Variants in NBEA observed in about 807,000 individuals in gnomAD.
NBEA encodes the protein lysosomal-trafficking regulator 2.
Under a neutral mutation model 343.4 loss-of-function variants are expected in NBEA, and 44 were observed. The observed-to-expected ratio is 0.13, with a 90% CI of 0.10 to 0.16. The LOEUF (loss-of-function observed/expected upper bound fraction) is 0.16. Among genes scored for constraint, NBEA ranks in the 10% least tolerant of loss-of-function variants. The pLI is 1.00. For synonymous variants in NBEA, 1,175 were observed against 1,238.7 expected (o/e 0.95, Z 1.08); for missense variants, 2,555 against 3,631.3 (o/e 0.70, Z 7.62).
rs534193220 is a variant in NBEA, at chr13:35,026,899, C to T, written c.295-14034C>T. Reference sequence around the variant, plus strand: ...TTACTACAAATATAGTCACACCCATCCTCTTACCCTCATAACCCTAACTCT... The same window carrying T: ...TTACTACAAATATAGTCACACCCATTCTCTTACCCTCATAACCCTAACTCT... On this transcript the variant is annotated intron_variant, in intron 1 of 58. Transcript: ENST00000379939. 2.0e-5 allele frequency among the ~76,000 whole-genome samples: 3 copies of T among 152,174 alleles called. No individual in the cohort carries two copies. The South Asian group carries it at 6.2e-4, about 32-fold the overall frequency.
intron 10 of NBEA, among the ~76,000 whole-genome samples, chr13:35,076,569 C>T (rs1467155374): frequency 6.6e-5 from 10 of 151,932 alleles, no homozygotes; most frequent in Non-Finnish European, 1.5e-4. Context: ...CTTAATTTTT[C>T]TCTGTAAATT....
rs183961712 is a variant in NBEA, at chr13:35,001,107, C to T, written c.295-39826C>T. Among the ~76,000 whole-genome samples, 600 of 151,890 alleles carry T rather than the reference C, an allele frequency of 4.0e-3. 3 individuals carry two copies. The highest frequency in any genetic ancestry group is 0.014 in the African/African-American group (576 of 41,446). On this transcript the variant is annotated intron_variant, in intron 1 of 58. Transcript: ENST00000379939. ...GCTTGTCAATGTGTCTGATTTGTGGCGTAGTTCTTAAATCTTTTCAAACTT... is the reference window on the plus strand; with the variant it reads ...GCTTGTCAATGTGTCTGATTTGTGGTGTAGTTCTTAAATCTTTTCAAACTT...
At chr13:35,273,723 C>A (rs1010663931) in intron 34 of NBEA, among the ~76,000 whole-genome samples, 10 of 151,982 alleles carry the variant, frequency 6.6e-5, no homozygotes, top group African/African-American at 1.9e-4. Context: ...CCATCAGAGA[C>A]TACTATAAAC....
At chr13:35,264,360 T>TA (rs1566538606) in intron 34 of NBEA, among the ~76,000 whole-genome samples, 1 of 151,832 alleles carries the variant, frequency 6.6e-6, no homozygotes, top group African/African-American at 2.4e-5. Context: ...CAAACCCTTT[T>TA]AAAAAATTGA....
intron 8 of NBEA, among the ~76,000 whole-genome samples, chr13:35,060,813 T>A (rs2063441695): frequency 6.6e-6 from 1 of 151,624 alleles, no homozygotes; most frequent in African/African-American, 2.4e-5. Context: ...CACATTATAG[T>A]CACAATTATC....
chr13:35,005,838 G>A (rs185451711), intron 1 of NBEA, among the ~76,000 whole-genome samples: 3 of 152,294 alleles, frequency 2.0e-5, no homozygotes, highest in Admixed American at 6.5e-5. Context: ...TTCCAGATAT[G>A]TGTATGCATA....
chr13:35,519,560 C>T (rs552104363), intron 41 of NBEA, among the ~76,000 whole-genome samples: 42 of 152,050 alleles, frequency 2.8e-4, no homozygotes, highest in African/African-American at 8.4e-4. Context: ...TAGTTTTGGC[C>T]TTGTAAATAG....
At chr13:35,534,866 GC>G (rs1474683558) in intron 41 of NBEA, among the ~76,000 whole-genome samples, 1 of 152,126 alleles carries the variant, frequency 6.6e-6, no homozygotes, top group African/African-American at 2.4e-5. Flanking sequence ...AACAGGCTTT[GC>G]CTAGGATCAG....
rs115076382 is a variant in NBEA, at chr13:35,435,060, C to G, written c.6304+2667C>G. 4.8e-3 allele frequency among the ~76,000 whole-genome samples: 731 copies of G among 152,206 alleles called. 7 individuals are homozygous for G. Among genetic ancestry groups the G allele is most frequent in the African/African-American group, 0.017 (705 of 41,536 alleles). On this transcript the variant is annotated intron_variant, in intron 39 of 58. Coordinates refer to ENST00000379939, the MANE Select transcript of NBEA (RefSeq NM_001385012.1). Reference sequence around the variant, plus strand: ...GTTTGTTTGTTGTGACGGAATTTCACTCTTGTTGCCCAGGCTGGAGTGCAA... The same window carrying G: ...GTTTGTTTGTTGTGACGGAATTTCAGTCTTGTTGCCCAGGCTGGAGTGCAA...
intron 48 of NBEA, among the ~76,000 whole-genome samples, chr13:35,611,815 T>C (rs1452081204): frequency 6.6e-6 from 1 of 152,268 alleles, no homozygotes; most frequent in African/African-American, 2.4e-5. Context: ...CATCAGTTGA[T>C]GAACATTTGA....
chr13:35,466,092 CTG>C (rs2075376243), intron 40 of NBEA, among the ~76,000 whole-genome samples: 1 of 152,102 alleles, frequency 6.6e-6, no homozygotes, highest in Non-Finnish European at 1.5e-5. Flanking sequence ...CTGTTTTAGA[CTG>C]TGCTAAGTTG....
intron 36 of NBEA, 90 bp downstream of exon 36, chr13:35,309,682 T>C (rs1199287322): frequency 1.5e-6 from 1 of 656,206 alleles, no homozygotes; most frequent in Non-Finnish European, 2.6e-6. Context: ...TCCAAAAATG[T>C]AGAAGAAAAT....
At chr13:35,208,572 TA>T (rs34179009) in intron 31 of NBEA, 127 bp from the exon 32 acceptor site, 2 of 776,210 alleles carry the variant, frequency 2.6e-6, no homozygotes, top group Non-Finnish European at 3.8e-6. Flanking sequence ...CTAAGGAGTT[TA>T]AAATTTTTTT....
chr13:35,210,136 A>G (rs1357798859), intron 32 of NBEA, among the ~76,000 whole-genome samples: 1 of 152,062 alleles, frequency 6.6e-6, no homozygotes, highest in Non-Finnish European at 1.5e-5. Context: ...TTATTTTTAT[A>G]TGAGACAAGT....
chr13:35,124,028 A>G (rs1325279013), intron 17 of NBEA, among the ~76,000 whole-genome samples: 1 of 152,102 alleles, frequency 6.6e-6, no homozygotes, highest in Non-Finnish European at 1.5e-5. Flanking sequence ...TAAAGATGCT[A>G]GAATACCTCA....
At position 35,270,964 on chromosome 13, in the gene NBEA, G is replaced by A. The variant is rs1056066201; in HGVS notation, c.5777-19425G>A. On this transcript the variant is annotated intron_variant, in intron 34 of 58. Coordinates refer to ENST00000379939, the MANE Select transcript of NBEA (RefSeq NM_001385012.1). ...GCAGACAGCTACTGCAGACTTAAAC[G>A]TCCCTGCCTGACAGCACCGAAGAGA... Among the ~76,000 whole-genome samples, 5 of 152,198 alleles carry A rather than the reference G, an allele frequency of 3.3e-5. No homozygotes were observed. In the East Asian group the frequency reaches 7.7e-4, roughly 23 times the overall value.
chr13:35,106,377 G>C (rs1475259815), intron 11 of NBEA, among the ~76,000 whole-genome samples: 3 of 151,768 alleles, frequency 2.0e-5, no homozygotes, highest in Non-Finnish European at 2.9e-5. Context: ...CTTTTCCCAG[G>C]CTGTGTTTTT....
intron 40 of NBEA, among the ~76,000 whole-genome samples, chr13:35,468,985 G>T (rs2075520323): frequency 6.7e-6 from 1 of 150,286 alleles, no homozygotes; most frequent in Non-Finnish European, 1.5e-5. Flanking sequence ...TGTACTCCCA[G>T]CTACTCAGGA....
At chr13:35,312,225 A>G (rs901805302) in intron 36 of NBEA, among the ~76,000 whole-genome samples, 10 of 152,228 alleles carry the variant, frequency 6.6e-5, no homozygotes, top group African/African-American at 2.4e-4. Context: ...ATCGTACCAC[A>G]GAATAATTTA....
Sources: allele counts gnomAD v4.1 joint callset (sites outside exome capture counted in the v4.1 genomes callset), GRCh38; gene constraint gnomAD v4.1.1; transcripts MANE v1.5; gene names NCBI Gene and HGNC (gene_info 2026-07-23, HGNC 2026-07-21).